The following HSF1 variants were observed in gnomAD, a reference collection of about 807,000 sequenced individuals.
HSF1 encodes heat shock transcription factor 1, also known as heat shock factor protein 1.
In HSF1, 32 loss-of-function variants were observed where a neutral mutation model predicts 51.7. The observed-to-expected ratio is 0.62, with a 90% CI of 0.47 to 0.83. The LOEUF (loss-of-function observed/expected upper bound fraction) is 0.83, where lower values mean the gene tolerates loss of function less well. Ranked by LOEUF, HSF1 falls within the 40% of genes least tolerant of loss-of-function variation. HSF1 has a pLI of 0.00. For missense variants in HSF1, 727 were observed against 717.0 expected (o/e 1.01, Z -0.16); for synonymous variants, 396 against 309.7 (o/e 1.28, Z -2.92).
At position 144,309,032 on chromosome 8, in the gene HSF1, G is replaced by C. The variant is rs1230315633; in HGVS notation, c.226+18G>C. Reference sequence around the variant, plus strand: ...CAACATGTGTGAGTGCTGCCTCCAGGCAGCGCAGGGGTGCGGGAGGCAGAC... The same window carrying C: ...CAACATGTGTGAGTGCTGCCTCCAGCCAGCGCAGGGGTGCGGGAGGCAGAC... On this transcript the variant is annotated intron_variant, in intron 2 of 12. Coordinates refer to ENST00000528838, the MANE Select transcript of HSF1 (RefSeq NM_005526.4). The C allele has an allele frequency of 3.2e-6, 5 of 1,586,594 alleles. No individual in the cohort carries two copies. Among genetic ancestry groups the C allele is most frequent in the Non-Finnish European group, 4.3e-6 (5 of 1,155,066 alleles).
chr8:144,292,431 G>C (rs2130295361), intron 1 of HSF1: 1 of 152,438 alleles, frequency 6.6e-6, no homozygotes, highest in Admixed American at 6.5e-5. Flanking sequence ...CCCAAGAGGA[G>C]TTTTGTTTTT....
In HSF1 at chr8:144,314,172, C is replaced by G. The variant is rs1817060960; in HGVS notation, c.1432C>G (p.Pro478Ala). The stretch of plus-strand genomic sequence containing the variant: ...AGCGCAGCCGCTGTTCCTGCTGGAC[C>G]CCGGCTCCGTGGACACCGGGAGCAA... ...YTAQPLFLLD[P>A]GSVDTGSNDL... Residue 478 changes from proline to alanine, a missense_variant, in exon 13 of 13, where the codon CCC (proline) becomes GCC (alanine). Around this residue, in one of 2 missense-constraint regions of HSF1, gnomAD observed 470 missense variants for 398.8 expected, o/e 1.18. Coordinates refer to ENST00000528838, the MANE Select transcript of HSF1 (RefSeq NM_005526.4). 7.7e-6 allele frequency: 12 copies of G among 1,549,372 alleles called. No individual in the cohort carries two copies. Among genetic ancestry groups the G allele is most frequent in the Non-Finnish European group, 1.0e-5 (12 of 1,146,702 alleles).
In HSF1 at chr8:144,312,255, C is replaced by T. The variant is rs368226425; in HGVS notation, c.1142+11C>T. ...AGCCTGCCTGGACAAGTGAGTGCCG[C>T]CCACCCCTGGCCCCACCCACAGCGC... is the stretch of plus-strand genomic sequence containing the variant. On this transcript the variant is annotated intron_variant, in intron 9 of 12. Coordinates refer to ENST00000528838, the MANE Select transcript of HSF1 (RefSeq NM_005526.4). 2 of 1,555,398 alleles carry T rather than the reference C, an allele frequency of 1.3e-6. No homozygotes were observed. Among genetic ancestry groups the T allele is most frequent in the East Asian group, 2.3e-5 (1 of 43,496 alleles).
chr8:144,295,712 G>T lies in HSF1; in HGVS notation c.117+3838G>T, dbSNP rs1389053121. ...CTACAGGCTTGCACCACCAGACCTG[G>T]CTTTTTTTTTTTTTTCTTTTTAAGG... On this transcript the variant is annotated intron_variant, in intron 1 of 12. Coordinates refer to ENST00000528838, the MANE Select transcript of HSF1 (RefSeq NM_005526.4). Among the ~76,000 whole-genome samples, 6 of 104,966 alleles carry T rather than the reference G, an allele frequency of 5.7e-5. No homozygotes were observed. The East Asian group carries it at 1.6e-3, about 27-fold the overall frequency. The allele number at this position is 104,966 out of a possible 152,430, so 68.9% of individuals were successfully genotyped here. A position where few individuals can be genotyped will look rare whatever the true frequency, so the allele number is the denominator to read the frequency against.
At chr8:144,313,364 T>C in intron 9 of HSF1, 147 bp from the exon 10 acceptor site, 1 of 600,862 alleles carries the variant, frequency 1.7e-6, no homozygotes, top group Non-Finnish European at 3.0e-6. Context: ...CAGGCCGTCC[T>C]CGAATGCGCT....
chr8:144,300,380 C>G (rs1815781550), intron 1 of HSF1, among the ~76,000 whole-genome samples: 1 of 152,114 alleles, frequency 6.6e-6, no homozygotes, highest in African/African-American at 2.4e-5. Context: ...CCTCGCCCGG[C>G]TAATTTTGTT....
In HSF1 at chr8:144,311,823, A is replaced by G; in HGVS notation, c.847A>G (p.Ser283Gly). Residue 283 changes from serine to glycine, a missense_variant, in exon 8 of 13, where the codon AGC (serine) becomes GGC (glycine). Around this residue, in one of 2 missense-constraint regions of HSF1, gnomAD observed 470 missense variants for 398.8 expected, o/e 1.18. Transcript: ENST00000528838. Reference protein sequence around the residue: ...PASPMASPGGSIDERPLSSSP... With the variant: ...PASPMASPGGGIDERPLSSSP... ...CAGCCCCATGGCCTCCCCCGGCGGG[A>G]GCATAGACGAGAGGTGGGGGCCGCA... The G allele has an allele frequency of 6.2e-7, 1 of 1,606,594 alleles. No individual in the cohort carries two copies. Among genetic ancestry groups the G allele is most frequent in the Non-Finnish European group, 8.5e-7 (1 of 1,177,100 alleles).
intron 9 of HSF1, chr8:144,312,662 C>A (rs1184045542): frequency 4.9e-5 from 76 of 1,535,378 alleles, no homozygotes; most frequent in Non-Finnish European, 6.4e-5. Context: ...TAGGGTCGCC[C>A]GCCTCTTCCC....
intron 1 of HSF1, among the ~76,000 whole-genome samples, chr8:144,302,867 A>G (rs1554842654): frequency 2.0e-5 from 3 of 151,950 alleles, no homozygotes; most frequent in Non-Finnish European, 4.4e-5. Flanking sequence ...CAGATACATC[A>G]AAAAAAAGAT....
intron 1 of HSF1, among the ~76,000 whole-genome samples, chr8:144,300,463 C>T (rs1815791620): frequency 6.6e-6 from 1 of 152,050 alleles, no homozygotes; most frequent in Non-Finnish European, 1.5e-5. Flanking sequence ...GTGATCCGCC[C>T]ACCTTGGCCT....
intron 1 of HSF1, among the ~76,000 whole-genome samples, chr8:144,305,771 A>C (rs1224342353): frequency 9.9e-6 from 1 of 100,858 alleles, no homozygotes; most frequent in South Asian, 3.5e-4. Context: ...CTCACTCTGT[A>C]GCCCAGGCTG....
At chr8:144,312,773 A>G in intron 9 of HSF1, 1 of 1,423,758 alleles carries the variant, frequency 7.0e-7, no homozygotes, top group Non-Finnish European at 9.6e-7. Flanking sequence ...CCTCCCACAC[A>G]GCCGTGGACC....
Position 144,314,454 on chromosome 8 carries a change from A to AG in HSF1, c.*124_*125insG. 1 of 793,298 alleles carries AG rather than the reference A, an allele frequency of 1.3e-6. No individual in the cohort carries two copies. The highest frequency in any genetic ancestry group is 2.0e-6 in the Non-Finnish European group (1 of 493,446). 49.1% of individuals were successfully genotyped at this position (793,298 alleles called of 1,614,324 possible). A position where few individuals can be genotyped will look rare whatever the true frequency, so the allele number is the denominator to read the frequency against. On this transcript the variant is annotated 3_prime_UTR_variant, in exon 13 of 13. Transcript: ENST00000528838. ...TCGGCCGCCATAGCCCCAGTAGGAC[A>AG]AACGGGCTCGGGTCTGGGCAGCACC...
chr8:144,312,650 T>G, intron 9 of HSF1: 1 of 1,535,358 alleles, frequency 6.5e-7, no homozygotes, highest in Non-Finnish European at 8.7e-7. Flanking sequence ...TCCACAGATG[T>G]CTAGGGTCGC....
At chr8:144,294,254 A>T (rs1240429462) in intron 1 of HSF1, among the ~76,000 whole-genome samples, 4 of 152,138 alleles carry the variant, frequency 2.6e-5, no homozygotes, top group Non-Finnish European at 5.9e-5. Context: ...GCCTGGAGAA[A>T]GGAGGTGATC....
intron 1 of HSF1, among the ~76,000 whole-genome samples, chr8:144,293,250 C>G (rs1815223932): frequency 6.6e-6 from 1 of 152,198 alleles, no homozygotes; most frequent in South Asian, 2.1e-4. Flanking sequence ...AATCTTTGCT[C>G]TTGTTAGAAA....
At chr8:144,303,958 C>T (rs1816057870) in intron 1 of HSF1, among the ~76,000 whole-genome samples, 1 of 152,162 alleles carries the variant, frequency 6.6e-6, no homozygotes, top group Non-Finnish European at 1.5e-5. Context: ...ACCTGGGTGT[C>T]CTCAGCCTGC....
chr8:144,307,961 G>A (rs1305025412), intron 1 of HSF1, among the ~76,000 whole-genome samples: 1 of 152,218 alleles, frequency 6.6e-6, no homozygotes, highest in Non-Finnish European at 1.5e-5. Context: ...TTCCGTGACC[G>A]TTTCCCTCCC....
rs182555772 is a variant in HSF1 at position 144,307,226 on chromosome 8, C to T, written c.118-1680C>T. ...TGTAAAGGTTTCAACAGGCACACCT[C>T]GGCAAACAGCTTTTTTATTCAGGAG... On this transcript the variant is annotated intron_variant, in intron 1 of 12. Transcript: ENST00000528838. Among the ~76,000 whole-genome samples, 925 of 152,348 alleles carry T rather than the reference C, an allele frequency of 6.1e-3. 7 individuals are homozygous for T. Among genetic ancestry groups the T allele is most frequent in the Non-Finnish European group, 9.3e-3 (634 of 68,038 alleles).
Sources: allele counts gnomAD v4.1 joint callset (sites outside exome capture counted in the v4.1 genomes callset), GRCh38; gene constraint gnomAD v4.1.1; regional missense constraint gnomAD v4.1.1; transcripts MANE v1.5; gene names NCBI Gene and HGNC (gene_info 2026-07-23, HGNC 2026-07-21).